Variants in RHBDD2 observed in about 807,000 individuals in gnomAD.
RHBDD2 encodes rhomboid domain-containing protein 2.
In RHBDD2, 13 loss-of-function variants were observed where a neutral mutation model predicts 21.7. The ratio of observed to expected loss-of-function variants is 0.60; its 90% confidence interval spans 0.39 to 0.95. RHBDD2 has a LOEUF of 0.95. RHBDD2 is among the 40% of genes least tolerant of loss of function. The pLI is 0.00. For synonymous variants in RHBDD2, 225 were observed against 220.0 expected, an observed-to-expected ratio of 1.02 and a Z score of -0.20; for missense variants, 473 against 478.9, an observed-to-expected ratio of 0.99 and a Z score of 0.11.
chr7:75,879,555 C>A (rs782291834), intron 1 of RHBDD2, among the ~76,000 whole-genome samples: 2 of 152,232 alleles, frequency 1.3e-5, no homozygotes, highest in African/African-American at 4.8e-5. Context: ...CAAATCCATT[C>A]GCTAGCAAAT....
In RHBDD2 at chr7:75,886,737, C is replaced by G. The variant is rs797043986; in HGVS notation, c.738-1255C>G. Among the ~76,000 whole-genome samples, 5 of 151,902 alleles carry G rather than the reference C, an allele frequency of 3.3e-5. 1 individual carries two copies. Among genetic ancestry groups the G allele is most frequent in the African/African-American group, 1.2e-4 (5 of 41,356 alleles). ...GCTGAGCCAGGAGAATGGTGTGAAC[C>G]TGGGAGGTGGAGCTTGCAGTGAGCC... On this transcript the variant is annotated intron_variant, in intron 3 of 3. Coordinates refer to ENST00000006777, the MANE Select transcript of RHBDD2 (RefSeq NM_001040456.3).
intron 1 of RHBDD2, among the ~76,000 whole-genome samples, chr7:75,879,523 G>A: frequency 6.6e-6 from 1 of 152,008 alleles, no homozygotes; most frequent in Non-Finnish European, 1.5e-5. Flanking sequence ...CTTCCCTGTC[G>A]CCACCAGACT....
chr7:75,879,337 G>C, intron 1 of RHBDD2, 77 bp downstream of exon 1: 6 of 1,325,518 alleles, frequency 4.5e-6, no homozygotes, highest in East Asian at 6.2e-5. Flanking sequence ...CTAGCCTCCG[G>C]GACTCGCCCC....
Position 75,881,994 on chromosome 7 carries a change from T to C in RHBDD2, c.344T>C (p.Leu115Pro), listed in dbSNP as rs782615316. 6 of 1,614,128 alleles carry C rather than the reference T, an allele frequency of 3.7e-6. No individual in the cohort carries two copies. Among genetic ancestry groups the C allele is most frequent in the Non-Finnish European group, 5.1e-6 (6 of 1,180,054 alleles). The change falls in exon 2 of 4, where the codon CTG becomes CCG. Residue 115 changes from leucine to proline, a missense_variant. Leu to Pro is a moderately conservative substitution (Grantham distance 98). Transcript: ENST00000006777. ...GCCATCTTCTCCGCTATCATCTTCCTGTCATTCGAGGCTGTGTCATCACTG... is the reference window on the plus strand; with the variant it reads ...GCCATCTTCTCCGCTATCATCTTCCCGTCATTCGAGGCTGTGTCATCACTG... ...IFAIFSAIIF[L>P]SFEAVSSLSK...
At position 75,879,059 on chromosome 7, in the gene RHBDD2, C is replaced by T. The variant is rs782078235; in HGVS notation, c.-24C>T. ...AGAGGACCGGCAGCCGGCGTCGAGGCGGGGCGCGGGAACGACGGCGGCCAT... is the reference window on the plus strand; with the variant it reads ...AGAGGACCGGCAGCCGGCGTCGAGGTGGGGCGCGGGAACGACGGCGGCCAT... On this transcript the variant is annotated 5_prime_UTR_variant, in exon 1 of 4. Transcript: ENST00000006777. 1.5e-6 allele frequency: 2 copies of T among 1,366,880 alleles called. No homozygotes were observed. Among genetic ancestry groups the T allele is most frequent in the Non-Finnish European group, 1.9e-6 (2 of 1,056,722 alleles). The allele number at this position is 1,366,880 out of a possible 1,614,324, so 84.7% of individuals were successfully genotyped here.
chr7:75,882,166 G>A lies in RHBDD2; in HGVS notation c.516G>A (p.Leu172=). 6.2e-7 allele frequency: 1 copy of A among 1,614,110 alleles called. No individual in the cohort carries two copies. The highest frequency in any genetic ancestry group is 8.5e-7 in the Non-Finnish European group (1 of 1,179,998). ...VPSVLVPWLL[L]GASWLIPQTS... ...CAGTCCTGGTTCCGTGGCTCCTGCT[G>A]GGTGCCTCGTGGCTCATTCCCCAGA... The change falls in exon 2 of 4, where the codon CTG becomes CTA. Residue 172 remains leucine, a synonymous_variant. Transcript: ENST00000006777.
At chr7:75,883,599 A>G in intron 2 of RHBDD2, 99 bp from the exon 3 acceptor site, 2 of 1,016,388 alleles carry the variant, frequency 2.0e-6, no homozygotes, top group Non-Finnish European at 2.9e-6. Context: ...CTAAGCATGA[A>G]GGCTTCTGTA....
chr7:75,887,694 A>G (rs1805763410), intron 3 of RHBDD2, among the ~76,000 whole-genome samples: 1 of 151,880 alleles, frequency 6.6e-6, no homozygotes, highest in Non-Finnish European at 1.5e-5. Flanking sequence ...CCTGGTCCCA[A>G]CGCTCCATCT....
rs1805146802 is a variant in RHBDD2, at chr7:75,879,046, G to C, written c.-37G>C. 3.7e-6 allele frequency: 5 copies of C among 1,366,072 alleles called. No individual in the cohort carries two copies. The highest frequency in any genetic ancestry group is 4.7e-6 in the Non-Finnish European group (5 of 1,057,008). The allele number at this position is 1,366,072 out of a possible 1,614,324, so 84.6% of individuals were successfully genotyped here. A position where few individuals can be genotyped will look rare whatever the true frequency, so the allele number is the denominator to read the frequency against. On this transcript the variant is annotated 5_prime_UTR_variant, in exon 1 of 4. Coordinates refer to ENST00000006777, the MANE Select transcript of RHBDD2 (RefSeq NM_001040456.3). ...AGGCGGAAGGAGCAGAGGACCGGCA[G>C]CCGGCGTCGAGGCGGGGCGCGGGAA...
At position 75,888,438 on chromosome 7, in the gene RHBDD2, T is replaced by C. The variant is rs1554544606; in HGVS notation, c.*89T>C. 10 of 1,022,224 alleles carry C rather than the reference T, an allele frequency of 9.8e-6. No individual in the cohort carries two copies. Among genetic ancestry groups the C allele is most frequent in the Middle Eastern group, 2.1e-4 (1 of 4,784 alleles). The allele number at this position is 1,022,224 out of a possible 1,614,324, so 63.3% of individuals were successfully genotyped here. A position where few individuals can be genotyped will look rare whatever the true frequency, so the allele number is the denominator to read the frequency against. On this transcript the variant is annotated 3_prime_UTR_variant, in exon 4 of 4. Coordinates refer to ENST00000006777, the MANE Select transcript of RHBDD2 (RefSeq NM_001040456.3). The stretch of plus-strand genomic sequence containing the variant: ...AAAAGTTACTTATTGAACACCTCTA[T>C]GTGCCAGGCTCTGTGTTGGGTACTT...
chr7:75,887,594 G>A (rs1282670533), intron 3 of RHBDD2, among the ~76,000 whole-genome samples: 1 of 152,076 alleles, frequency 6.6e-6, no homozygotes, highest in Non-Finnish European at 1.5e-5. Context: ...AAAGTGCTGG[G>A]ATTGCAGGTG....
chr7:75,888,201 C>A lies in RHBDD2; in HGVS notation c.947C>A (p.Ser316Tyr). The part of the protein sequence containing the change: ...VQNHFGPNPT[S>Y]SSVYPASAGT... ...AACCACTTTGGTCCAAACCCCACCTCCTCCAGTGTCTACCCAGCTTCTGCG... is the reference window on the plus strand; with the variant it reads ...AACCACTTTGGTCCAAACCCCACCTACTCCAGTGTCTACCCAGCTTCTGCG... Residue 316 changes from serine to tyrosine, a missense_variant, in exon 4 of 4, where the codon TCC becomes TAC. Transcript: ENST00000006777. 1 of 1,613,956 alleles carries A rather than the reference C, an allele frequency of 6.2e-7. No homozygotes were observed. Among genetic ancestry groups the A allele is most frequent in the Non-Finnish European group, 8.5e-7 (1 of 1,180,050 alleles).
intron 3 of RHBDD2, 35 bp from the exon 4 acceptor site, chr7:75,887,957 G>A (rs376069055): frequency 1.7e-5 from 27 of 1,569,928 alleles, no homozygotes; most frequent in African/African-American, 1.4e-4. Context: ...GCCAAGACTC[G>A]CTGAAGGACC....
chr7:75,881,732 C>G lies in RHBDD2; in HGVS notation c.179-97C>G, dbSNP rs576071845. Reference sequence around the variant, plus strand: ...CTCACTGGCTCTCACTTCTCTGTCACGGAGGGGGGCTCTCTGCCTTTCCTA... The same window carrying G: ...CTCACTGGCTCTCACTTCTCTGTCAGGGAGGGGGGCTCTCTGCCTTTCCTA... On this transcript the variant is annotated intron_variant, in intron 1 of 3. Coordinates refer to ENST00000006777, the MANE Select transcript of RHBDD2 (RefSeq NM_001040456.3). 94 of 1,261,524 alleles carry G rather than the reference C, an allele frequency of 7.5e-5. No homozygotes were observed. The Admixed American group carries it at 2.1e-3, about 28-fold the overall frequency. The allele number at this position is 1,261,524 out of a possible 1,614,324, so 78.1% of individuals were successfully genotyped here.
chr7:75,885,031 T>C (rs1805573425), intron 3 of RHBDD2, among the ~76,000 whole-genome samples: 1 of 149,264 alleles, frequency 6.7e-6, no homozygotes, highest in East Asian at 2.0e-4. Context: ...GGAGAATCAC[T>C]CGAACCTGGG....
At chr7:75,884,596 T>C (rs1805542705) in intron 3 of RHBDD2, among the ~76,000 whole-genome samples, 1 of 152,090 alleles carries the variant, frequency 6.6e-6, no homozygotes, top group African/African-American at 2.4e-5. Flanking sequence ...AGAAATGAGG[T>C]GCGGCAGATT....
In RHBDD2 at chr7:75,882,232, G is replaced by T. The variant is rs1554542782; in HGVS notation, c.582G>T (p.Leu194=). The T allele has an allele frequency of 6.2e-7, 1 of 1,608,592 alleles. No individual in the cohort carries two copies. The highest frequency in any genetic ancestry group is 8.5e-7 in the Non-Finnish European group (1 of 1,176,876). ...LSNVCGLSIG[L]AYGLTYCYSI... is the part of the protein sequence containing the mutation. The stretch of plus-strand genomic sequence containing the variant: ...ATGTCTGCGGGCTGTCCATCGGGCT[G>T]GCCTGTATCCTTCCTAGCAGAGAGC... Residue 194 remains leucine (L), a synonymous_variant, in exon 2 of 4, where the codon CTG becomes CTT. Transcript: ENST00000006777.
chr7:75,883,919 G>C, intron 3 of RHBDD2, 71 bp downstream of exon 3: 19 of 1,282,388 alleles, frequency 1.5e-5, no homozygotes, highest in Non-Finnish European at 1.8e-5. Flanking sequence ...TTTTGAGACG[G>C]AGTCTCACTC....
rs1554544592 is a variant in RHBDD2, at chr7:75,888,403, GTCTCC to G, written c.*56_*60del. 10 of 1,430,350 alleles carry G rather than the reference GTCTCC, an allele frequency of 7.0e-6. No homozygotes were observed. The highest frequency in any genetic ancestry group is 1.4e-5 in the African/African-American group (1 of 71,168). 88.6% of individuals were successfully genotyped at this position (1,430,350 alleles called of 1,614,324 possible). ...GGCCTTCTGAAGGTCCTCCCTAAGAGTCTCCTGACAAAAGTTACTTATTGAACACC... is the reference window on the plus strand; with the variant it reads ...GGCCTTCTGAAGGTCCTCCCTAAGAGTGACAAAAGTTACTTATTGAACACC... On this transcript the variant is annotated 3_prime_UTR_variant, in exon 4 of 4. Transcript: ENST00000006777.
Sources: allele counts gnomAD v4.1 joint callset (sites outside exome capture counted in the v4.1 genomes callset), GRCh38; gene constraint gnomAD v4.1.1; transcripts MANE v1.5; gene names NCBI Gene and HGNC (gene_info 2026-07-23, HGNC 2026-07-21).